The following NUFIP1 variants were observed in gnomAD, a reference collection of about 807,000 sequenced individuals.
NUFIP1 encodes FMR1-interacting protein NUFIP1.
NUFIP1 carries 38 observed loss-of-function variants against 56.2 expected under a neutral mutation model. That is an observed-to-expected ratio of 0.68 (90% CI 0.52 to 0.89). NUFIP1 has a LOEUF of 0.89. Ranked by LOEUF, NUFIP1 falls within the 40% of genes least tolerant of loss-of-function variation. The pLI, the probability that NUFIP1 is intolerant of heterozygous loss-of-function variation, is 0.00. For synonymous variants in NUFIP1, 215 were observed against 212.4 expected (o/e 1.01, Z -0.10); for missense variants, 567 against 605.8 (o/e 0.94, Z 0.67).
At chr13:44,968,663 A>T (rs1019332199) in intron 5 of NUFIP1, among the ~76,000 whole-genome samples, 3 of 152,198 alleles carry the variant, frequency 2.0e-5, no homozygotes, top group African/African-American at 7.2e-5. Context: ...TGTAACTCAC[A>T]GCTACTCAAC....
chr13:44,952,998 A>C (rs998283195), intron 7 of NUFIP1, among the ~76,000 whole-genome samples: 1 of 152,150 alleles, frequency 6.6e-6, no homozygotes, highest in Non-Finnish European at 1.5e-5. Flanking sequence ...GGATTTTGAG[A>C]AGGAATACCA....
chr13:44,975,653 A>G (rs748726764), intron 5 of NUFIP1, among the ~76,000 whole-genome samples: 2 of 152,112 alleles, frequency 1.3e-5, no homozygotes, highest in Non-Finnish European at 2.9e-5. Flanking sequence ...GCCTCTCCTT[A>G]TCTTTTCCTA....
At chr13:44,986,645 T>C (rs944093380) in intron 1 of NUFIP1, among the ~76,000 whole-genome samples, 1 of 141,020 alleles carries the variant, frequency 7.1e-6, no homozygotes, top group Non-Finnish European at 1.5e-5. Flanking sequence ...TGAGCCAAGA[T>C]CGAGCCACTG....
chr13:44,988,637 C>T (rs780991828), intron 1 of NUFIP1, among the ~76,000 whole-genome samples: 15 of 152,000 alleles, frequency 9.9e-5, no homozygotes, highest in Non-Finnish European at 1.6e-4. Context: ...TGCTATATAC[C>T]CAGATTCTGG....
chr13:44,976,105 A>G (rs1186493409), intron 5 of NUFIP1, among the ~76,000 whole-genome samples: 1 of 150,996 alleles, frequency 6.6e-6, no homozygotes, highest in East Asian at 1.9e-4. Flanking sequence ...CTAACTGATC[A>G]AAGTCCAGGC....
intron 8 of NUFIP1, among the ~76,000 whole-genome samples, chr13:44,945,522 G>C (rs1178063277): frequency 6.6e-6 from 1 of 151,824 alleles, no homozygotes; most frequent in African/African-American, 2.4e-5. Flanking sequence ...TACAATAAAA[G>C]AAAACCATAG....
intron 6 of NUFIP1, among the ~76,000 whole-genome samples, chr13:44,964,532 T>C (rs1039321618): frequency 5.3e-5 from 8 of 151,994 alleles, no homozygotes; most frequent in Non-Finnish European, 1.2e-4. Context: ...CCTGGTAGAA[T>C]CCCTGAATTG....
At chr13:44,984,920 T>C (rs1399024623) in intron 1 of NUFIP1, among the ~76,000 whole-genome samples, 1 of 152,198 alleles carries the variant, frequency 6.6e-6, no homozygotes, top group East Asian at 1.9e-4. Flanking sequence ...CCATGTGTTC[T>C]CATTGTTCAA....
At chr13:44,978,459 CAT>C (rs1872065166) in intron 5 of NUFIP1, among the ~76,000 whole-genome samples, 2 of 152,170 alleles carry the variant, frequency 1.3e-5, no homozygotes, top group African/African-American at 4.8e-5. Flanking sequence ...AGTAGTTCTG[CAT>C]AGTCTTCTGC....
chr13:44,947,960 A>G (rs1380057860), intron 8 of NUFIP1, among the ~76,000 whole-genome samples: 1 of 152,228 alleles, frequency 6.6e-6, no homozygotes, highest in Non-Finnish European at 1.5e-5. Context: ...AGAAGCTACC[A>G]TAGTAAGCCA....
intron 8 of NUFIP1, among the ~76,000 whole-genome samples, chr13:44,949,210 T>TC (rs1870998484): frequency 7.0e-6 from 1 of 142,508 alleles, no homozygotes; most frequent in East Asian, 2.0e-4. Flanking sequence ...TTTTTTTTTT[T>TC]TTTTTTTTTG....
intron 7 of NUFIP1, among the ~76,000 whole-genome samples, chr13:44,950,181 T>C (rs925097328): frequency 6.6e-6 from 1 of 152,230 alleles, no homozygotes; most frequent in Non-Finnish European, 1.5e-5. Context: ...CCAAACTTTA[T>C]TTAACTTCAC....
chr13:44,982,578 G>A (rs368826172), intron 1 of NUFIP1, among the ~76,000 whole-genome samples: 22 of 151,718 alleles, frequency 1.5e-4, no homozygotes, highest in African/African-American at 5.3e-4. Context: ...CATGCCCCAA[G>A]TCAGAAATTC....
Position 44,940,420 on chromosome 13 carries a change from AAACT to A in NUFIP1, c.*782_*785del, listed in dbSNP as rs1314989906. 1 of 152,264 alleles carries A rather than the reference AAACT, an allele frequency of 6.6e-6. No homozygotes were observed. Among genetic ancestry groups the A allele is most frequent in the African/African-American group, 2.4e-5 (1 of 41,468 alleles). The allele number at this position is 152,264 out of a possible 1,614,324, so 9.4% of individuals were successfully genotyped here. On this transcript the variant is annotated 3_prime_UTR_variant, in exon 10 of 10. Coordinates refer to ENST00000379161, the MANE Select transcript of NUFIP1 (RefSeq NM_012345.3). ...GGAAAAGTTAATCTTCAACTATAAC[AAACT>A]AATTTTTTACAAATTTAGTCCCTTT...
At position 44,943,089 on chromosome 13, in the gene NUFIP1, T is replaced by A. The variant is rs144878210; in HGVS notation, c.1371+353A>T. Among the ~76,000 whole-genome samples the A allele has an allele frequency of 2.3e-3, 344 of 152,240 alleles. 4 individuals carry two copies. The highest frequency in any genetic ancestry group is 7.6e-3 in the African/African-American group (317 of 41,532). ...CTTTTTGTTACTGTATGGTTCTCAA[T>A]AGACATTTGTACTAAAAATCTTTTT... On this transcript the variant is annotated intron_variant, in intron 9 of 9. Coordinates refer to ENST00000379161, the MANE Select transcript of NUFIP1 (RefSeq NM_012345.3).
At chr13:44,973,135 ATT>A (rs1871861275) in intron 5 of NUFIP1, among the ~76,000 whole-genome samples, 1 of 152,098 alleles carries the variant, frequency 6.6e-6, no homozygotes, top group Non-Finnish European at 1.5e-5. Context: ...GCCAGTGGAA[ATT>A]TTTTCCTTTA....
intron 8 of NUFIP1, among the ~76,000 whole-genome samples, chr13:44,947,346 C>A (rs990945301): frequency 1.4e-5 from 2 of 147,454 alleles, no homozygotes; most frequent in Non-Finnish European, 3.0e-5. Context: ...TCAAGCAATT[C>A]TCCTGTCTCA....
intron 2 of NUFIP1, 129 bp from the exon 3 acceptor site, chr13:44,980,949 G>C (rs1011824396): frequency 1.7e-6 from 1 of 575,550 alleles, no homozygotes. Flanking sequence ...GGAGAAGCTT[G>C]TGAGTATATT....
chr13:44,985,762 T>A (rs555181244), intron 1 of NUFIP1, among the ~76,000 whole-genome samples: 16 of 152,288 alleles, frequency 1.1e-4, no homozygotes, highest in Admixed American at 2.6e-4. Flanking sequence ...CAGGCCTCCC[T>A]ATCCTCTGAG....
Sources: gnomAD v4.1 joint callset for allele counts (sites outside exome capture counted in the v4.1 genomes callset) on GRCh38, gnomAD v4.1.1 for gene constraint, MANE v1.5 for transcripts, NCBI Gene and HGNC (gene_info 2026-07-23, HGNC 2026-07-21) for gene names.